TXNDC16: variants seen among roughly 807,000 people sequenced by gnomAD.
TXNDC16 encodes thioredoxin domain containing 16, also known as thioredoxin domain-containing protein 16.
Under a neutral mutation model 85.6 loss-of-function variants are expected in TXNDC16, and 74 were observed. The ratio of observed to expected loss-of-function variants is 0.86; its 90% CI spans 0.72 to 1.05. The LOEUF is 1.05. Ranked by LOEUF, TXNDC16 falls within the 50% of genes least tolerant of loss-of-function variation. TXNDC16 has a pLI of 0.00. For synonymous variants in TXNDC16, 335 were observed against 326.5 expected, an observed-to-expected ratio of 1.03 and a Z score of -0.28; for missense variants, 959 against 947.0, an observed-to-expected ratio of 1.01 and a Z score of -0.17.
intron 14 of TXNDC16, among the ~76,000 whole-genome samples, chr14:52,477,263 A>AT (rs1367938448): frequency 6.6e-6 from 1 of 151,984 alleles, no homozygotes; most frequent in Non-Finnish European, 1.5e-5. Context: ...AACAGATACA[A>AT]TTTTTTTAAA....
chr14:52,502,372 G>C (rs1345777120), intron 9 of TXNDC16, among the ~76,000 whole-genome samples: 1 of 152,226 alleles, frequency 6.6e-6, no homozygotes, highest in South Asian at 2.1e-4. Flanking sequence ...ACAGTGGTTA[G>C]AGCAGGGTCA....
intron 1 of TXNDC16, among the ~76,000 whole-genome samples, chr14:52,545,940 T>C (rs1024109911): frequency 3.3e-5 from 5 of 152,002 alleles, no homozygotes; most frequent in African/African-American, 1.2e-4. Flanking sequence ...AAAAGGTACT[T>C]GGTGACTTTT....
At chr14:52,508,288 T>G (rs148033090) in intron 9 of TXNDC16, among the ~76,000 whole-genome samples, 4,890 of 152,252 alleles carry the variant, frequency 0.032, 241 homozygotes, top group African/African-American at 0.11. Context: ...AAGAAGACAT[T>G]TATGCAGCCA....
intron 18 of TXNDC16, among the ~76,000 whole-genome samples, chr14:52,447,559 C>G (rs2035313531): frequency 6.6e-6 from 1 of 152,130 alleles, no homozygotes; most frequent in African/African-American, 2.4e-5. Flanking sequence ...CCCCAGGTGG[C>G]TCAGAACAGA....
chr14:52,503,728 T>C (rs1031824146), intron 9 of TXNDC16, among the ~76,000 whole-genome samples: 14 of 152,196 alleles, frequency 9.2e-5, no homozygotes, highest in Non-Finnish European at 1.5e-4. Flanking sequence ...GGACAGAGAA[T>C]GACTTTCATG....
chr14:52,475,206 C>T (rs1294998645), intron 14 of TXNDC16, among the ~76,000 whole-genome samples: 1 of 152,138 alleles, frequency 6.6e-6, no homozygotes, highest in Admixed American at 6.5e-5. Context: ...TTGTGCCTCA[C>T]CTCACAAGGG....
intron 9 of TXNDC16, among the ~76,000 whole-genome samples, chr14:52,502,341 T>C (rs1253596822): frequency 1.3e-5 from 2 of 152,256 alleles, no homozygotes; most frequent in Non-Finnish European, 2.9e-5. Flanking sequence ...TGATTAACAA[T>C]TTAATATTCC....
At position 52,470,523 on chromosome 14, in the gene TXNDC16, T is replaced by G; in HGVS notation, c.1470A>C (p.Lys490Asn). The change falls in exon 15 of 21, where the codon AAA (lysine) becomes AAC (asparagine). Residue 490 changes from lysine (K) to asparagine (N), a missense_variant. Lys to Asn is a moderately conservative substitution (Grantham distance 94). Coordinates refer to ENST00000281741, the MANE Select transcript of TXNDC16 (RefSeq NM_020784.3). ...AGMLGTEDLL[K>N]FIQLNRISYP... The stretch of plus-strand genomic sequence containing the variant: ...AGCTGAATACTTACAGCTGGATAAA[T>G]TTTAGGAGATCTTCGGTTCCTAACA... 1 of 1,612,650 alleles carries G rather than the reference T, an allele frequency of 6.2e-7. No individual in the cohort carries two copies.
chr14:52,551,382 G>C (rs1299218674), intron 1 of TXNDC16, among the ~76,000 whole-genome samples: 2 of 151,602 alleles, frequency 1.3e-5, no homozygotes, highest in African/African-American at 4.9e-5. Context: ...GGGAGGCTGA[G>C]GTGGGAGGAC....
At chr14:52,485,279 T>A (rs1425800133) in intron 12 of TXNDC16, among the ~76,000 whole-genome samples, 1 of 152,194 alleles carries the variant, frequency 6.6e-6, no homozygotes, top group Admixed American at 6.5e-5. Context: ...AAAAAGCTTA[T>A]AGCATAAGGA....
chr14:52,521,278 A>AT (rs34014029), intron 6 of TXNDC16, among the ~76,000 whole-genome samples: 37,185 of 134,332 alleles, frequency 0.28, 5,325 homozygotes, highest in African/African-American at 0.39. Context: ...ACGCCTGGCT[A>AT]TTTTTTTTTT....
intron 9 of TXNDC16, among the ~76,000 whole-genome samples, chr14:52,506,158 G>T (rs1474877802): frequency 6.6e-6 from 1 of 152,120 alleles, no homozygotes; most frequent in Non-Finnish European, 1.5e-5. Context: ...AGGAGGAGCT[G>T]GTACCATTGC....
intron 12 of TXNDC16, among the ~76,000 whole-genome samples, chr14:52,485,243 C>T (rs893374532): frequency 1.3e-5 from 2 of 151,590 alleles, no homozygotes; most frequent in African/African-American, 2.4e-5. Context: ...AAGTTTAAAA[C>T]GTAAAACATA....
intron 3 of TXNDC16, among the ~76,000 whole-genome samples, chr14:52,542,866 A>T (rs1045212294): frequency 2.6e-5 from 4 of 152,170 alleles, no homozygotes; most frequent in African/African-American, 9.6e-5. Flanking sequence ...CACTTCACTT[A>T]TTAATTCCAA....
At chr14:52,496,605 T>C (rs2036539212) in intron 9 of TXNDC16, among the ~76,000 whole-genome samples, 1 of 140,282 alleles carries the variant, frequency 7.1e-6, no homozygotes, top group African/African-American at 2.8e-5. Context: ...TTTTATGATT[T>C]TATGATTTTT....
At chr14:52,453,876 A>G (rs1054238833) in intron 18 of TXNDC16, among the ~76,000 whole-genome samples, 2 of 152,182 alleles carry the variant, frequency 1.3e-5, no homozygotes, top group Non-Finnish European at 1.5e-5. Context: ...TGGATAAAAA[A>G]AGCCTTTTTA....
intron 18 of TXNDC16, among the ~76,000 whole-genome samples, chr14:52,450,523 T>C (rs540986692): frequency 6.7e-6 from 1 of 149,130 alleles, no homozygotes; most frequent in Non-Finnish European, 1.5e-5. Flanking sequence ...TTTAAAGAAC[T>C]AATACCAATT....
intron 9 of TXNDC16, among the ~76,000 whole-genome samples, chr14:52,503,777 G>A (rs965967701): frequency 2.0e-5 from 3 of 152,114 alleles, no homozygotes; most frequent in Non-Finnish European, 4.4e-5. Context: ...AAACTACTCC[G>A]AGCTAAAGAA....
At chr14:52,480,975 G>GTATATATATATATATATATATGTATA (rs2036134628) in intron 14 of TXNDC16, among the ~76,000 whole-genome samples, 2 of 135,000 alleles carry the variant, frequency 1.5e-5, no homozygotes, top group African/African-American at 5.6e-5. Context: ...ATATATATAT[G>GTATATATATATATATATATATGTATA]TATATATATA....
Sources: allele counts gnomAD v4.1 joint callset (sites outside exome capture counted in the v4.1 genomes callset), GRCh38; gene constraint gnomAD v4.1.1; transcripts MANE v1.5; gene names NCBI Gene and HGNC (gene_info 2026-07-23, HGNC 2026-07-21).